The following C5 variants were observed in gnomAD, a reference collection of about 807,000 sequenced individuals.
The protein encoded by C5 is complement C5.
Under a neutral mutation model 218.8 loss-of-function variants are expected in C5, and 140 were observed. The ratio of observed to expected loss-of-function variants is 0.64; its 90% CI spans 0.56 to 0.74. The LOEUF (loss-of-function observed/expected upper bound fraction) is 0.74, where lower values mean the gene tolerates loss of function less well. C5 is among the 30% of genes least tolerant of loss of function. The pLI is 0.00. For synonymous variants in C5, 614 were observed against 682.3 expected, an observed-to-expected ratio of 0.90 and a Z score of 1.56; for missense variants, 1,700 against 1,969.6, an observed-to-expected ratio of 0.86 and a Z score of 2.59.
the C5 span, among the ~76,000 whole-genome samples, chr9:121,066,928 C>A: frequency 6.7e-6 from 1 of 150,354 alleles, no homozygotes; most frequent in Admixed American, 6.6e-5. Flanking sequence ...TTACAAAGTT[C>A]AACATCCTTT....
chr9:120,953,930 C>T, intron 39 of C5, 62 bp from the exon 40 acceptor site: 3 of 1,578,064 alleles, frequency 1.9e-6, no homozygotes, highest in Non-Finnish European at 2.6e-6. Flanking sequence ...CAATTATAAA[C>T]TCTCAAGTTT....
intron 7 of C5, among the ~76,000 whole-genome samples, chr9:121,027,937 C>T (rs1431635085): frequency 6.6e-6 from 1 of 152,192 alleles, no homozygotes; most frequent in African/African-American, 2.4e-5. Context: ...TTTTTGCAAT[C>T]TACCCATCTG....
chr9:121,023,325 C>T, intron 10 of C5, 79 bp downstream of exon 10: 3 of 913,842 alleles, frequency 3.3e-6, no homozygotes, highest in Non-Finnish European at 5.5e-6. Context: ...CATTCTTACC[C>T]TGTTTGCCAC....
Position 120,952,881 on chromosome 9 carries a change from A to G in C5, c.4902-13T>C, listed in dbSNP as rs766537320. On this transcript the variant is annotated splice_polypyrimidine_tract_variant and intron_variant, in intron 40 of 40. Transcript: ENST00000223642. ...AGGGTAGATGTACCTACCAAGAAAC[A>G]AAGTGTTTGTGAGGTGGCCACAAAA... is the stretch of plus-strand genomic sequence containing the variant. 6.2e-7 allele frequency: 1 copy of G among 1,613,340 alleles called. No homozygotes were observed. Among genetic ancestry groups the G allele is most frequent in the South Asian group, 1.1e-5 (1 of 91,064 alleles).
intron 4 of C5, among the ~76,000 whole-genome samples, chr9:121,037,631 T>C (rs948455381): frequency 8.5e-5 from 13 of 152,122 alleles, no homozygotes; most frequent in Non-Finnish European, 1.9e-4. Flanking sequence ...CTTTAAAAAA[T>C]AAATCAGCAA....
Position 120,963,686 on chromosome 9 carries a change from C to T in C5, c.4273G>A (p.Asp1425Asn), listed in dbSNP as rs1461624727. Residue 1425 changes from aspartate to asparagine, a missense_variant, in exon 34 of 41, where the codon GAC (aspartate) becomes AAC (asparagine). Transcript: ENST00000223642. ...CTGATTCCAGTAGGCAAGGAGATGTCCATCACCGCATGAGAGGATCCAGAT... is the reference window on the plus strand; with the variant it reads ...CTGATTCCAGTAGGCAAGGAGATGTTCATCACCGCATGAGAGGATCCAGAT... Reference protein sequence around the residue: ...SSSGSSHAVMDISLPTGISAN... With the variant: ...SSSGSSHAVMNISLPTGISAN... The T allele has an allele frequency of 1.2e-6, 2 of 1,613,750 alleles. No individual in the cohort carries two copies. Among genetic ancestry groups the T allele is most frequent in the African/African-American group, 2.7e-5 (2 of 74,876 alleles).
At chr9:121,064,356 C>G in the C5 span, among the ~76,000 whole-genome samples, 1 of 152,082 alleles carries the variant, frequency 6.6e-6, no homozygotes, top group African/African-American at 2.4e-5. Flanking sequence ...AAACTATAAA[C>G]TAGCTTCTGT....
the C5 span, among the ~76,000 whole-genome samples, chr9:121,063,915 C>A: frequency 2.0e-5 from 3 of 152,074 alleles, no homozygotes; most frequent in Non-Finnish European, 2.9e-5. Flanking sequence ...CTTCCAAAAT[C>A]TAGTTAACTT....
In C5 at chr9:120,980,285, A is replaced by C. The variant is rs371666268; in HGVS notation, c.3487-31T>G. ...AACAAGAGAAGATACTTCAGTTTCT[A>C]TGTCAAGCAACCACCTATCAATTGA... On this transcript the variant is annotated intron_variant, in intron 27 of 40. Transcript: ENST00000223642. 63 of 1,598,450 alleles carry C rather than the reference A, an allele frequency of 3.9e-5. No homozygotes were observed. The African/African-American group carries it at 6.0e-4, about 15-fold the overall frequency.
intron 3 of C5, among the ~76,000 whole-genome samples, chr9:121,038,668 A>G (rs2047551210): frequency 6.6e-6 from 1 of 152,212 alleles, no homozygotes; most frequent in Non-Finnish European, 1.5e-5. Context: ...TTCCAATGAC[A>G]AACTTAATTT....
chr9:120,970,705 G>C (rs1277787146), intron 31 of C5, among the ~76,000 whole-genome samples: 1 of 152,230 alleles, frequency 6.6e-6, no homozygotes, highest in Non-Finnish European at 1.5e-5. Flanking sequence ...ACACCAACCA[G>C]AAGTGGCAGA....
At chr9:120,984,714 C>CT (rs149222003) in intron 25 of C5, among the ~76,000 whole-genome samples, 2,071 of 69,206 alleles carry the variant, frequency 0.03, 174 homozygotes, top group African/African-American at 0.1. Context: ...TAAGCTCTTA[C>CT]TTTTTTTTTT....
chr9:120,997,107 G>A (rs985921096), intron 21 of C5, among the ~76,000 whole-genome samples: 1 of 151,872 alleles, frequency 6.6e-6, no homozygotes. Context: ...CAAGGGCCAT[G>A]TCTTATTTAT....
chr9:121,014,339 T>C (rs1290936874), intron 16 of C5, among the ~76,000 whole-genome samples: 1 of 152,182 alleles, frequency 6.6e-6, no homozygotes, highest in Non-Finnish European at 1.5e-5. Flanking sequence ...ACTGGAACTT[T>C]GGGTTCTGCT....
rs750246549 is a variant in C5, at chr9:120,974,903, G to A, written c.3893C>T (p.Thr1298Met). The A allele has an allele frequency of 1.9e-5, 31 of 1,614,050 alleles. No individual in the cohort carries two copies. The East Asian group carries it at 3.8e-4, about 20-fold the overall frequency. The change falls in exon 30 of 41, where the codon ACG (threonine) becomes ATG (methionine). Residue 1298 changes from threonine (T) to methionine (M), a missense_variant. Transcript: ENST00000223642. Reference protein sequence around the residue: ...QDTINAIEGLTEYSLLVKQLR... With the variant: ...QDTINAIEGLMEYSLLVKQLR... ...TTGTTTAACCAGGAGTGAATATTCC[G>A]TCAGGCCCTCAATGGCATTGATTGT... is the stretch of plus-strand genomic sequence containing the variant.
chr9:120,976,557 C>A lies in C5; in HGVS notation c.3864+143G>T, dbSNP rs930093942. 17 of 755,052 alleles carry A rather than the reference C, an allele frequency of 2.3e-5. No homozygotes were observed. The Admixed American group carries it at 3.3e-4, about 15-fold the overall frequency. The allele number at this position is 755,052 out of a possible 1,614,324, so 46.8% of individuals were successfully genotyped here. On this transcript the variant is annotated intron_variant, in intron 29 of 40. Coordinates refer to ENST00000223642, the MANE Select transcript of C5 (RefSeq NM_001735.3). ...TAATAAGAGTGTTGACGCAGATAAC[C>A]TGTAGGGGTCCTTCAATTCTAGGCA...
intron 28 of C5, among the ~76,000 whole-genome samples, chr9:120,977,250 T>G (rs1307146597): frequency 6.6e-6 from 1 of 152,154 alleles, no homozygotes; most frequent in African/African-American, 2.4e-5. Context: ...TGCACAAAAT[T>G]ATTGAAAATA....
intron 18 of C5, among the ~76,000 whole-genome samples, chr9:121,007,200 T>C (rs1251227009): frequency 1.3e-5 from 2 of 152,182 alleles, no homozygotes; most frequent in African/African-American, 4.8e-5. Flanking sequence ...TGATGAGAAT[T>C]CAAGTTCAGA....
rs1195216879 is a variant in C5, at chr9:120,971,990, C to G, written c.4020G>C (p.Val1340=). 6 of 1,610,320 alleles carry G rather than the reference C, an allele frequency of 3.7e-6. No homozygotes were observed. The highest frequency in any genetic ancestry group is 5.1e-6 in the Non-Finnish European group (6 of 1,178,754). Residue 1340 remains valine (V), a splice_region_variant and synonymous_variant, in exon 31 of 41, where the codon GTG becomes GTC. Coordinates refer to ENST00000223642, the MANE Select transcript of C5 (RefSeq NM_001735.3). The part of the protein sequence containing the change: ...DKNFLGRPVE[V]LLNDDLIVST... ...TGACAATGAGGTCATCATTGAGAAG[C>G]ACCTGGAAAGATAATAGAGAAACAA...
Sources: allele counts gnomAD v4.1 joint callset (sites outside exome capture counted in the v4.1 genomes callset), GRCh38; gene constraint gnomAD v4.1.1; transcripts MANE v1.5; gene names NCBI Gene and HGNC (gene_info 2026-07-23, HGNC 2026-07-21).